PNPLA1: variants seen among roughly 807,000 people sequenced by gnomAD.
PNPLA1 encodes patatin like domain 1, omega-hydroxyceramide transacylase.
In PNPLA1, 36 loss-of-function variants were observed where a neutral mutation model predicts 51.7. The ratio of observed to expected loss-of-function variants is 0.70; its 90% CI spans 0.53 to 0.92. PNPLA1 has a LOEUF of 0.92. Among genes scored for constraint, PNPLA1 ranks in the 40% least tolerant of loss-of-function variants. PNPLA1 has a pLI of 0.00. For missense variants in PNPLA1, 658 were observed against 682.5 expected (o/e 0.96, Z 0.40); for synonymous variants, 293 against 280.1 (o/e 1.05, Z -0.46).
At chr6:36,307,983 C>T (rs886061376) in intron 8 of PNPLA1, 17 of 292,274 alleles carry the variant, frequency 5.8e-5, no homozygotes, top group Non-Finnish European at 7.7e-5. Context: ...TAAATGTGAT[C>T]GATGATGTAA....
chr6:36,280,333 T>C (rs1770242098), intron 1 of PNPLA1, among the ~76,000 whole-genome samples: 1 of 152,220 alleles, frequency 6.6e-6, no homozygotes, highest in South Asian at 2.1e-4. Context: ...GCCCCGGCAG[T>C]GGAAGGACCC....
At chr6:36,310,999 T>C (rs901785211) in intron 8 of PNPLA1, among the ~76,000 whole-genome samples, 12 of 152,178 alleles carry the variant, frequency 7.9e-5, no homozygotes, top group Non-Finnish European at 1.8e-4. Context: ...CGGGGCAGTG[T>C]GTAGGACTGG....
At chr6:36,276,780 TCC>T (rs1770114010) in intron 1 of PNPLA1, among the ~76,000 whole-genome samples, 2 of 151,964 alleles carry the variant, frequency 1.3e-5, no homozygotes, top group East Asian at 1.9e-4. Flanking sequence ...CTTCCTTCCT[TCC>T]TTCCTTGCTT....
At chr6:36,298,060 T>C (rs772401668) in intron 5 of PNPLA1, among the ~76,000 whole-genome samples, 2 of 152,324 alleles carry the variant, frequency 1.3e-5, no homozygotes, top group South Asian at 4.1e-4. Flanking sequence ...AACTCTTTTT[T>C]AAAAATCTGA....
chr6:36,246,939 G>A (rs543691801), intron 1 of PNPLA1, among the ~76,000 whole-genome samples: 10 of 151,952 alleles, frequency 6.6e-5, no homozygotes, highest in Admixed American at 3.9e-4. Flanking sequence ...CAGCCTCCCC[G>A]CGCTCACTGC....
intron 1 of PNPLA1, among the ~76,000 whole-genome samples, chr6:36,257,688 TG>T (rs1395267403): frequency 2.0e-5 from 3 of 152,212 alleles, no homozygotes; most frequent in African/African-American, 4.8e-5. Flanking sequence ...TTCTTGAAAA[TG>T]GTTATAATAG....
chr6:36,307,506 C>T (rs990475153), intron 7 of PNPLA1, 81 bp from the exon 8 acceptor site: 19 of 1,533,502 alleles, frequency 1.2e-5, no homozygotes, highest in Non-Finnish European at 1.6e-5. Flanking sequence ...GGTGTGTCCA[C>T]CTGCGGAGCT....
At chr6:36,248,847 C>A (rs1044540085) in intron 1 of PNPLA1, among the ~76,000 whole-genome samples, 6 of 152,148 alleles carry the variant, frequency 3.9e-5, no homozygotes, top group African/African-American at 1.4e-4. Context: ...AACGTCCCCC[C>A]ACCAAAAGAT....
At chr6:36,309,410 G>A (rs759599447) in intron 8 of PNPLA1, among the ~76,000 whole-genome samples, 3 of 152,086 alleles carry the variant, frequency 2.0e-5, no homozygotes, top group Non-Finnish European at 4.4e-5. Context: ...TCATGGTCAC[G>A]TTCGGCCTTG....
chr6:36,261,549 T>C (rs1769647910), intron 1 of PNPLA1, among the ~76,000 whole-genome samples: 1 of 152,258 alleles, frequency 6.6e-6, no homozygotes, highest in Admixed American at 6.5e-5. Context: ...GTGAGTTTGG[T>C]GAACGTGTGT....
At chr6:36,259,945 C>A (rs1420172292) in intron 1 of PNPLA1, among the ~76,000 whole-genome samples, 9 of 151,964 alleles carry the variant, frequency 5.9e-5, no homozygotes, top group African/African-American at 1.5e-4. Flanking sequence ...ACCCAGGTAA[C>A]AAATCTGCAT....
chr6:36,259,086 G>A lies in PNPLA1; in HGVS notation c.-81+15825G>A, dbSNP rs142102328. On this transcript the variant is annotated intron_variant, in intron 1 of 7. Transcript: ENST00000312917. ...ACTCATCATTGTGTTGTGAACCACAGCAATGGTTCAGACCAAAACTTGAGG... is the reference window on the plus strand; with the variant it reads ...ACTCATCATTGTGTTGTGAACCACAACAATGGTTCAGACCAAAACTTGAGG... 4.6e-3 allele frequency among the ~76,000 whole-genome samples: 706 copies of A among 152,268 alleles called. 4 individuals are homozygous for A. The highest frequency in any genetic ancestry group is 0.012 in the African/African-American group (504 of 41,530).
rs758240775 is a variant in PNPLA1, at chr6:36,291,378, G to C, written c.264G>C (p.Gly88=). The change falls in exon 2 of 9, where the codon GGG becomes GGC. Residue 88 remains glycine (G), a synonymous_variant. Transcript: ENST00000636260. ...CCGAGGTGAAGAAATCCTTCCTGGGGCCCTTGTCCCCGTCCTGTAAGATGG... is the reference window on the plus strand; with the variant it reads ...CCGAGGTGAAGAAATCCTTCCTGGGCCCCTTGTCCCCGTCCTGTAAGATGG... ...GVAEVKKSFL[G]PLSPSCKMVQ... The C allele has an allele frequency of 5.6e-6, 9 of 1,614,032 alleles. No homozygotes were observed. The African/African-American group carries it at 1.1e-4, about 19-fold the overall frequency.
intron 1 of PNPLA1, among the ~76,000 whole-genome samples, chr6:36,285,232 C>G (rs1770448824): frequency 6.6e-6 from 1 of 152,232 alleles, no homozygotes; most frequent in Admixed American, 6.5e-5. Flanking sequence ...TCGTCGGCGC[C>G]TCCCCAGGGG....
intron 5 of PNPLA1, 102 bp downstream of exon 5, chr6:36,295,526 C>A: frequency 8.0e-7 from 1 of 1,247,472 alleles, no homozygotes; most frequent in Non-Finnish European, 1.2e-6. Flanking sequence ...AGATTTGTGA[C>A]CCGGAGACGC....
intron 2 of PNPLA1, among the ~76,000 whole-genome samples, chr6:36,292,313 T>A (rs1770712716): frequency 1.3e-5 from 2 of 152,178 alleles, no homozygotes; most frequent in South Asian, 2.1e-4. Context: ...CCCCTGGGTT[T>A]ATCAGCAGCC....
chr6:36,307,720 T>C lies in PNPLA1; in HGVS notation c.1595+8T>C. 5 of 1,613,688 alleles carry C rather than the reference T, an allele frequency of 3.1e-6. No individual in the cohort carries two copies. In the African/African-American group the frequency reaches 6.7e-5, roughly 22 times the overall value. On this transcript the variant is annotated splice_region_variant and intron_variant, in intron 8 of 8. Coordinates refer to ENST00000636260, the MANE Select transcript of PNPLA1 (RefSeq NM_001374623.1). ...ACCAAGCAGCAAAGTGCAGTGAGCA[T>C]GTCTAATGTTCCTTAAATCCCACGG...
At chr6:36,266,998 A>C (rs760682540), upstream of PNPLA1, among the ~76,000 whole-genome samples, 1 of 152,200 alleles carries the variant, frequency 6.6e-6, no homozygotes, top group African/African-American at 2.4e-5. Context: ...GGGTGGCTTC[A>C]CATATCTTAA....
chr6:36,265,162 G>T (rs903383658), upstream of PNPLA1, among the ~76,000 whole-genome samples: 7 of 152,148 alleles, frequency 4.6e-5, no homozygotes, highest in African/African-American at 1.7e-4. Context: ...TCAACATGGT[G>T]AAACCCCATC....
Sources: gnomAD v4.1 joint callset for allele counts (sites outside exome capture counted in the v4.1 genomes callset) on GRCh38, gnomAD v4.1.1 for gene constraint, MANE v1.5 for transcripts, NCBI Gene and HGNC (gene_info 2026-07-23, HGNC 2026-07-21) for gene names.